Variants in SNX29 observed in about 807,000 individuals in gnomAD.
The protein encoded by SNX29 is sorting nexin-29.
In SNX29, 78 loss-of-function variants were observed where a neutral mutation model predicts 102.1. That is an observed-to-expected ratio of 0.76 (90% CI 0.64 to 0.92). The LOEUF (loss-of-function observed/expected upper bound fraction) is 0.92, where lower values mean the gene tolerates loss of function less well. Among genes scored for constraint, SNX29 ranks in the 40% least tolerant of loss-of-function variants. The pLI is 0.00. For synonymous variants in SNX29, 580 were observed against 414.5 expected, an observed-to-expected ratio of 1.40 and a Z score of -4.85; for missense variants, 1,280 against 1,061.7, an observed-to-expected ratio of 1.21 and a Z score of -2.86.
At chr16:12,221,188 G>A (rs980248043) in intron 14 of SNX29, among the ~76,000 whole-genome samples, 20 of 151,944 alleles carry the variant, frequency 1.3e-4, no homozygotes, top group African/African-American at 4.8e-4. Context: ...CTGAAGAATG[G>A]CAAACTTGGC....
chr16:12,550,035 T>C (rs2141336407), intron 20 of SNX29, among the ~76,000 whole-genome samples: 1 of 152,368 alleles, frequency 6.6e-6, no homozygotes, highest in South Asian at 2.1e-4. Context: ...TGAGATGGAA[T>C]GCCTCCCTGG....
chr16:12,101,585 T>C lies in SNX29; in HGVS notation c.1402+22670T>C, dbSNP rs566207895. 3.1e-3 allele frequency among the ~76,000 whole-genome samples: 465 copies of C among 152,050 alleles called. 1 individual carries two copies. Among genetic ancestry groups the C allele is most frequent in the Non-Finnish European group, 4.8e-3 (325 of 67,972 alleles). ...TTTTACTAGAGACAGAGTTTCACCA[T>C]GTTGGCCAGGCTGATCTTGAACTCC... On this transcript the variant is annotated intron_variant, in intron 11 of 20. Transcript: ENST00000566228.
At chr16:12,438,264 C>A (rs183828638) in intron 18 of SNX29, among the ~76,000 whole-genome samples, 77 of 152,284 alleles carry the variant, frequency 5.1e-4, no homozygotes, top group African/African-American at 1.4e-3. Flanking sequence ...GCGTCCCAGC[C>A]CCACCTGGTT....
chr16:12,492,472 T>C (rs1385075279), intron 19 of SNX29, among the ~76,000 whole-genome samples: 1 of 152,340 alleles, frequency 6.6e-6, no homozygotes, highest in Middle Eastern at 3.4e-3. Flanking sequence ...TTCTCCCATT[T>C]TGCAGGTTGC....
chr16:12,444,699 G>T (rs923732628), intron 18 of SNX29, among the ~76,000 whole-genome samples: 18 of 152,100 alleles, frequency 1.2e-4, no homozygotes, highest in African/African-American at 4.1e-4. Context: ...CAGGCTACAG[G>T]TCCTTCCCTC....
chr16:12,348,803 G>C (rs548940079), intron 15 of SNX29, among the ~76,000 whole-genome samples: 158 of 152,300 alleles, frequency 1.0e-3, no homozygotes, highest in African/African-American at 3.5e-3. Flanking sequence ...CTGTGCCTCA[G>C]TTTTCTTAGC....
At chr16:12,319,623 A>G (rs961581705) in intron 15 of SNX29, among the ~76,000 whole-genome samples, 3 of 152,144 alleles carry the variant, frequency 2.0e-5, no homozygotes, top group Non-Finnish European at 4.4e-5. Flanking sequence ...TCATCCTGGC[A>G]AGGAGTGAGG....
intron 18 of SNX29, among the ~76,000 whole-genome samples, chr16:12,447,402 G>A (rs1268555473): frequency 2.0e-5 from 3 of 152,044 alleles, no homozygotes; most frequent in African/African-American, 7.2e-5. Context: ...AAACTATCCT[G>A]GTGTCCAGCC....
At chr16:12,469,271 A>G (rs985484801) in intron 18 of SNX29, among the ~76,000 whole-genome samples, 1 of 152,224 alleles carries the variant, frequency 6.6e-6, no homozygotes, top group Non-Finnish European at 1.5e-5. Context: ...TGGCTGCAAT[A>G]ATATCCGTCT....
intron 5 of SNX29, among the ~76,000 whole-genome samples, chr16:12,044,814 C>A (rs996057400): frequency 6.6e-6 from 1 of 152,152 alleles, no homozygotes; most frequent in Non-Finnish European, 1.5e-5. Context: ...ATCTCCTGAC[C>A]TCGTGATCCT....
chr16:12,222,443 C>A (rs2077502131), intron 14 of SNX29, among the ~76,000 whole-genome samples: 1 of 152,232 alleles, frequency 6.6e-6, no homozygotes, highest in Non-Finnish European at 1.5e-5. Context: ...AAGACAACCA[C>A]CAGCTTGTAT....
chr16:12,203,539 G>C (rs1479403315), intron 14 of SNX29, among the ~76,000 whole-genome samples: 2 of 151,938 alleles, frequency 1.3e-5, no homozygotes, highest in East Asian at 3.9e-4. Context: ...AGTTGGACTG[G>C]TGGCATTGGA....
intron 15 of SNX29, 102 bp from the exon 16 acceptor site, chr16:12,356,061 T>G: frequency 1.5e-5 from 15 of 986,446 alleles, no homozygotes; most frequent in Non-Finnish European, 2.3e-5. Context: ...AGCCTACAGA[T>G]GTTTTGCTGA....
At chr16:12,422,112 G>T (rs1419433723) in intron 18 of SNX29, among the ~76,000 whole-genome samples, 2 of 152,128 alleles carry the variant, frequency 1.3e-5, no homozygotes, top group Non-Finnish European at 2.9e-5. Context: ...CTTTCTTAGG[G>T]AAACTCATTT....
chr16:12,222,435 G>C (rs2077501809), intron 14 of SNX29, among the ~76,000 whole-genome samples: 1 of 152,200 alleles, frequency 6.6e-6, no homozygotes, highest in Non-Finnish European at 1.5e-5. Context: ...CTTGATAAAA[G>C]ACAACCACCA....
intron 14 of SNX29, among the ~76,000 whole-genome samples, chr16:12,228,303 G>A (rs2077674287): frequency 1.3e-5 from 2 of 152,164 alleles, no homozygotes; most frequent in Admixed American, 1.3e-4. Flanking sequence ...AATCAAACAG[G>A]ATACTTTTCC....
intron 20 of SNX29, among the ~76,000 whole-genome samples, chr16:12,539,261 A>C (rs985604609): frequency 6.6e-6 from 1 of 151,952 alleles, no homozygotes; most frequent in Non-Finnish European, 1.5e-5. Flanking sequence ...TTTTCCCCTC[A>C]TTTCCTTTCT....
rs143046009 is a variant in SNX29, at chr16:12,211,305, C to G, written c.1678+11622C>G. 1.5e-4 allele frequency among the ~76,000 whole-genome samples: 23 copies of G among 152,294 alleles called. 1 individual carries two copies. Among genetic ancestry groups the G allele is most frequent in the Admixed American group, 2.6e-4 (4 of 15,296 alleles). ...AATACATATTCTGATACAGCCCAAC[C>G]TTTTCCCACAAGGCCTTGTAACCAT... On this transcript the variant is annotated intron_variant, in intron 14 of 20. Coordinates refer to ENST00000566228, the MANE Select transcript of SNX29 (RefSeq NM_032167.5).
At chr16:12,436,185 C>A (rs1197677074) in intron 18 of SNX29, among the ~76,000 whole-genome samples, 1 of 152,184 alleles carries the variant, frequency 6.6e-6, no homozygotes, top group African/African-American at 2.4e-5. Context: ...CCCTGCTATG[C>A]TCTGCTGCAG....
Sources: allele counts gnomAD v4.1 joint callset (sites outside exome capture counted in the v4.1 genomes callset), GRCh38; gene constraint gnomAD v4.1.1; transcripts MANE v1.5; gene names NCBI Gene and HGNC (gene_info 2026-07-23, HGNC 2026-07-21).